Variants in SNX29 observed in about 807,000 individuals in gnomAD.
The protein encoded by SNX29 is sorting nexin 29.
SNX29 carries 78 observed loss-of-function variants against 102.1 expected under a neutral mutation model. The observed-to-expected ratio is 0.76, with a 90% confidence interval of 0.64 to 0.92. The LOEUF is 0.92. Among genes scored for constraint, SNX29 ranks in the 40% least tolerant of loss-of-function variants. SNX29 has a pLI of 0.00. For missense variants in SNX29, 1,280 were observed against 1,061.7 expected (o/e 1.21, Z -2.86); for synonymous variants, 580 against 414.5 (o/e 1.40, Z -4.85).
intron 11 of SNX29, among the ~76,000 whole-genome samples, chr16:12,103,306 A>C (rs1196149177): frequency 6.6e-6 from 1 of 152,242 alleles, no homozygotes; most frequent in Non-Finnish European, 1.5e-5. Context: ...TTCAAACTGT[A>C]TTACAAGGCT....
intron 15 of SNX29, among the ~76,000 whole-genome samples, chr16:12,351,548 A>C (rs2081992888): frequency 6.6e-6 from 1 of 152,204 alleles, no homozygotes; most frequent in Admixed American, 6.5e-5. Context: ...GATGGAGGGA[A>C]CATTCTGATA....
chr16:12,551,977 G>A (rs1389136125), intron 20 of SNX29, among the ~76,000 whole-genome samples: 4 of 152,182 alleles, frequency 2.6e-5, no homozygotes, highest in Non-Finnish European at 4.4e-5. Context: ...CCAACACAGT[G>A]CCATGTCAAA....
At chr16:12,175,130 T>C (rs1047484260) in intron 13 of SNX29, among the ~76,000 whole-genome samples, 1 of 152,318 alleles carries the variant, frequency 6.6e-6, no homozygotes, top group East Asian at 1.9e-4. Flanking sequence ...ATTATCTAAA[T>C]TTTTACTGAT....
chr16:12,247,911 G>T (rs547082497), intron 14 of SNX29, among the ~76,000 whole-genome samples: 1 of 152,154 alleles, frequency 6.6e-6, no homozygotes, highest in African/African-American at 2.4e-5. Flanking sequence ...AAGATAATGC[G>T]TGGTGTGTTG....
Position 12,524,777 on chromosome 16 carries a change from A to T in SNX29, c.2254A>T (p.Met752Leu), listed in dbSNP as rs1337940767. The T allele has an allele frequency of 3.7e-6, 6 of 1,613,696 alleles. No individual in the cohort carries two copies. In the African/African-American group the frequency reaches 4.0e-5, roughly 11 times the overall value. The change falls in exon 20 of 21, where the codon ATG (methionine) becomes TTG (leucine). Residue 752 changes from methionine to leucine, a missense_variant. Transcript: ENST00000566228. ...CAGCGTCATGAACAAAGTCATCCAGATGGTCCCCGAGTTCGCTGCCAGCCC... is the reference window on the plus strand; with the variant it reads ...CAGCGTCATGAACAAAGTCATCCAGTTGGTCCCCGAGTTCGCTGCCAGCCC... ...LRSVMNKVIQ[M>L]VPEFAASPKK...
chr16:12,059,443 C>T (rs2151257757), intron 8 of SNX29, among the ~76,000 whole-genome samples: 1 of 152,334 alleles, frequency 6.6e-6, no homozygotes, highest in East Asian at 1.9e-4. Flanking sequence ...GGGAGCGGCT[C>T]TTCTTTTGCC....
intron 15 of SNX29, among the ~76,000 whole-genome samples, chr16:12,340,865 C>T (rs1045034352): frequency 6.6e-6 from 1 of 152,156 alleles, no homozygotes; most frequent in African/African-American, 2.4e-5. Flanking sequence ...TAGCCTTTTA[C>T]GTGGAGTCTT....
chr16:12,323,173 TGGAGTCACC>T lies in SNX29; in HGVS notation c.1783-32987_1783-32979del, dbSNP rs72281316. ...GTCAGGATGTGGTCACTGGAGTCAC[TGGAGTCACC>T]GGGGACCACTGTCAGGATGTGGTCA... On this transcript the variant is annotated intron_variant, in intron 15 of 20. Coordinates refer to ENST00000566228, the MANE Select transcript of SNX29 (RefSeq NM_032167.5). 3.2e-3 allele frequency among the ~76,000 whole-genome samples: 381 copies of T among 120,700 alleles called. 2 individuals are homozygous for T. The highest frequency in any genetic ancestry group is 0.014 in the African/African-American group (350 of 25,000). The allele number at this position is 120,700 out of a possible 152,430, so 79.2% of individuals were successfully genotyped here.
intron 18 of SNX29, among the ~76,000 whole-genome samples, chr16:12,464,653 C>G (rs1248791931): frequency 2.6e-5 from 4 of 152,090 alleles, no homozygotes; most frequent in African/African-American, 9.7e-5. Context: ...GACAGTCTCA[C>G]TGTGTTGCCC....
chr16:12,210,106 A>G (rs773365337), intron 14 of SNX29, among the ~76,000 whole-genome samples: 8 of 151,972 alleles, frequency 5.3e-5, no homozygotes, highest in Non-Finnish European at 1.0e-4. Context: ...CCCTCAATCC[A>G]TGTGGTTTAT....
chr16:12,372,106 T>C (rs2082707246), intron 16 of SNX29, among the ~76,000 whole-genome samples: 1 of 152,226 alleles, frequency 6.6e-6, no homozygotes, highest in South Asian at 2.1e-4. Flanking sequence ...CTTCCAGGTA[T>C]TTTTTATGCA....
chr16:12,556,778 A>C (rs2078378832), intron 20 of SNX29, among the ~76,000 whole-genome samples: 1 of 152,206 alleles, frequency 6.6e-6, no homozygotes, highest in Admixed American at 6.5e-5. Context: ...TGGTTTGAGC[A>C]TTGGAGTCAA....
intron 1 of SNX29, among the ~76,000 whole-genome samples, chr16:11,997,808 A>G (rs932878865): frequency 1.3e-5 from 2 of 152,156 alleles, no homozygotes; most frequent in African/African-American, 4.8e-5. Context: ...CCATGAGAAG[A>G]TGGATCTTTT....
Position 12,477,736 on chromosome 16 carries a change from A to C in SNX29, c.2055A>C (p.Lys685Asn). The C allele has an allele frequency of 6.2e-7, 1 of 1,612,158 alleles. No homozygotes were observed. Among genetic ancestry groups the C allele is most frequent in the South Asian group, 1.1e-5 (1 of 90,758 alleles). ...FHVYQVYIRI[K>N]DDEWNIYRRY... ...CTTGACAGGTCTACATCCGGATAAA[A>C]GACGATGAATGGAATATTTATCGCC... is the stretch of plus-strand genomic sequence containing the variant. Residue 685 changes from lysine to asparagine, a missense_variant, in exon 19 of 21, where the codon AAA becomes AAC. Transcript: ENST00000566228.
chr16:12,088,174 C>G lies in SNX29; in HGVS notation c.1402+9259C>G, dbSNP rs1373510816. On this transcript the variant is annotated intron_variant, in intron 11 of 20. Transcript: ENST00000566228. ...AGGCCTCACAGTGTCACTGTTTGGG[C>G]CAGGCAGAAAGCTAGAGAGAGACAG... is the stretch of plus-strand genomic sequence containing the variant. The G allele has an allele frequency of 1.3e-5, 6 of 454,230 alleles. No homozygotes were observed. In the Admixed American group the frequency reaches 1.4e-4, roughly 11 times the overall value. 28.1% of individuals were successfully genotyped at this position (454,230 alleles called of 1,614,324 possible). A position where few individuals can be genotyped will look rare whatever the true frequency, so the allele number is the denominator to read the frequency against.
chr16:12,123,392 ATCT>A (rs1295003656), intron 11 of SNX29, among the ~76,000 whole-genome samples: 1 of 152,132 alleles, frequency 6.6e-6, no homozygotes, highest in Non-Finnish European at 1.5e-5. Context: ...GAACTTACTC[ATCT>A]TCTAACAGAA....
At chr16:12,411,911 A>G (rs938012461) in intron 18 of SNX29, among the ~76,000 whole-genome samples, 1 of 152,228 alleles carries the variant, frequency 6.6e-6, no homozygotes, top group Non-Finnish European at 1.5e-5. Flanking sequence ...CTGGAAGGAA[A>G]CGGAAAAAGA....
chr16:12,300,417 G>A (rs2080130793), intron 15 of SNX29, among the ~76,000 whole-genome samples: 1 of 152,062 alleles, frequency 6.6e-6, no homozygotes, highest in Non-Finnish European at 1.5e-5. Flanking sequence ...TCTCCAAGCT[G>A]TATATTTTAC....
intron 13 of SNX29, among the ~76,000 whole-genome samples, chr16:12,182,616 T>C (rs888949093): frequency 6.6e-6 from 1 of 152,150 alleles, no homozygotes; most frequent in South Asian, 2.1e-4. Context: ...GAGTTTCATC[T>C]GTTTACCCTC....
Sources: allele counts gnomAD v4.1 joint callset (sites outside exome capture counted in the v4.1 genomes callset), GRCh38; gene constraint gnomAD v4.1.1; transcripts MANE v1.5; gene names NCBI Gene and HGNC (gene_info 2026-07-23, HGNC 2026-07-21).